The following FAM13A variants were observed in gnomAD, a reference collection of about 807,000 sequenced individuals.
FAM13A encodes the protein family with sequence similarity 13 member A, also known as protein FAM13A.
In FAM13A, 76 loss-of-function variants were observed where a neutral mutation model predicts 129.6. The observed-to-expected ratio is 0.59, with a 90% CI of 0.49 to 0.71. The LOEUF (loss-of-function observed/expected upper bound fraction) is 0.71, where lower values mean the gene tolerates loss of function less well. FAM13A is among the 30% of genes least tolerant of loss of function. The pLI is 0.00. For missense variants in FAM13A, 1,108 were observed against 1,249.3 expected (o/e 0.89, Z 1.70); for synonymous variants, 443 against 449.9 (o/e 0.98, Z 0.20).
intron 7 of FAM13A, among the ~76,000 whole-genome samples, chr4:88,841,183 G>A (rs996108965): frequency 6.6e-6 from 1 of 152,048 alleles, no homozygotes; most frequent in Non-Finnish European, 1.5e-5. Context: ...TAAAAATTTT[G>A]TGCTTCAAAG....
intron 4 of FAM13A, among the ~76,000 whole-genome samples, chr4:88,943,978 T>C (rs1755207574): frequency 6.6e-6 from 1 of 152,168 alleles, no homozygotes. Context: ...ATGGAAACAT[T>C]TGTTTCTCCT....
Position 89,020,565 on chromosome 4 carries a change from C to T in FAM13A, c.322G>A (p.Gly108Ser), listed in dbSNP as rs759156429. The change falls in exon 3 of 24, where the codon GGT (glycine) becomes AGT (serine). Residue 108 changes from glycine (G) to serine (S), a missense_variant. This residue lies in a region of FAM13A where 566 missense variants were observed against 595.7 expected (regional missense o/e 0.95). Coordinates refer to ENST00000264344, the MANE Select transcript of FAM13A (RefSeq NM_014883.4). ...SGVPVELGKD[G>S]DVCSAASLLK... Reference sequence around the variant, plus strand: ...AGACTGGCTGCTGAGCAGACATCACCGTCCTTCCCGAGCTCCACGGGCACT... The same window carrying T: ...AGACTGGCTGCTGAGCAGACATCACTGTCCTTCCCGAGCTCCACGGGCACT... The T allele has an allele frequency of 9.9e-6, 16 of 1,613,948 alleles. No individual in the cohort carries two copies. The highest frequency in any genetic ancestry group is 5.3e-5 in the African/African-American group (4 of 74,904).
At chr4:88,792,965 C>A (rs1553982660) in intron 8 of FAM13A, among the ~76,000 whole-genome samples, 1 of 151,970 alleles carries the variant, frequency 6.6e-6, no homozygotes, top group Non-Finnish European at 1.5e-5. Flanking sequence ...TAAATAAGTG[C>A]TTCTTCATTC....
At chr4:88,824,951 G>A (rs1028537404) in intron 7 of FAM13A, among the ~76,000 whole-genome samples, 5 of 151,616 alleles carry the variant, frequency 3.3e-5, no homozygotes, top group Non-Finnish European at 7.4e-5. Context: ...CAGGTGATCC[G>A]CCCACCTCGG....
At chr4:88,945,984 G>GTATATATA (rs1755689700) in intron 4 of FAM13A, among the ~76,000 whole-genome samples, 1 of 25,884 alleles carries the variant, frequency 3.9e-5, no homozygotes, top group African/African-American at 1.8e-4. Flanking sequence ...GTGTGTGTGT[G>GTATATATA]TGTGTGTATA....
At chr4:88,959,369 ATGGT>A (rs1758268935) in intron 4 of FAM13A, among the ~76,000 whole-genome samples, 1 of 152,112 alleles carries the variant, frequency 6.6e-6, no homozygotes, top group Non-Finnish European at 1.5e-5. Context: ...ATCATGGGGG[ATGGT>A]TCCCTCATGA....
chr4:88,769,646 A>C (rs1176248530), intron 11 of FAM13A, among the ~76,000 whole-genome samples: 1 of 152,064 alleles, frequency 6.6e-6, no homozygotes, highest in Non-Finnish European at 1.5e-5. Context: ...ATCCTGACCA[A>C]CATAGTGAAA....
intron 5 of FAM13A, among the ~76,000 whole-genome samples, chr4:88,910,173 T>C (rs1170146727): frequency 6.6e-6 from 1 of 152,188 alleles, no homozygotes; most frequent in Non-Finnish European, 1.5e-5. Flanking sequence ...TGGACATTAA[T>C]AGATCACATA....
At chr4:88,837,182 C>T (rs1158613731) in intron 7 of FAM13A, among the ~76,000 whole-genome samples, 7 of 150,268 alleles carry the variant, frequency 4.7e-5, no homozygotes, top group South Asian at 4.3e-4. Flanking sequence ...TTAGTAGAGA[C>T]GAGGTTTCTC....
intron 6 of FAM13A, 73 bp downstream of exon 6, chr4:88,906,304 CAA>C: frequency 2.8e-6 from 3 of 1,060,866 alleles, no homozygotes; most frequent in Non-Finnish European, 4.3e-6. Context: ...AACAAACAAA[CAA>C]ACAAAAACAA....
intron 6 of FAM13A, among the ~76,000 whole-genome samples, chr4:88,891,382 T>C (rs1452039021): frequency 1.3e-5 from 2 of 152,112 alleles, no homozygotes; most frequent in Admixed American, 6.6e-5. Flanking sequence ...ATCATGCCAC[T>C]GCCCTCCAGC....
intron 4 of FAM13A, among the ~76,000 whole-genome samples, chr4:88,975,713 T>A (rs963007778): frequency 6.6e-6 from 1 of 152,204 alleles, no homozygotes; most frequent in Non-Finnish European, 1.5e-5. Context: ...AATGCTTTCT[T>A]CCATTTTTAA....
At chr4:89,046,551 TA>T (rs1393222281) in intron 1 of FAM13A, among the ~76,000 whole-genome samples, 1 of 152,050 alleles carries the variant, frequency 6.6e-6, no homozygotes, top group Non-Finnish European at 1.5e-5. Flanking sequence ...AGAAATTTTT[TA>T]AAAAAAGAAA....
At chr4:88,981,219 C>A (rs974104054) in intron 4 of FAM13A, among the ~76,000 whole-genome samples, 12 of 152,050 alleles carry the variant, frequency 7.9e-5, no homozygotes, top group African/African-American at 2.9e-4. Context: ...GTAGCAATAG[C>A]AAATTTAATT....
intron 6 of FAM13A, among the ~76,000 whole-genome samples, chr4:88,859,823 T>C (rs1213274609): frequency 6.6e-6 from 1 of 152,174 alleles, no homozygotes; most frequent in Non-Finnish European, 1.5e-5. Flanking sequence ...AGCTTCTTTA[T>C]TCTGGTGCTG....
intron 11 of FAM13A, among the ~76,000 whole-genome samples, chr4:88,773,153 C>T (rs1721013699): frequency 1.3e-5 from 2 of 152,188 alleles, no homozygotes; most frequent in Admixed American, 6.5e-5. Flanking sequence ...AAGAACATTG[C>T]TCCTGCAATG....
intron 6 of FAM13A, among the ~76,000 whole-genome samples, chr4:88,884,739 C>A (rs916990093): frequency 1.3e-5 from 2 of 152,052 alleles, no homozygotes; most frequent in African/African-American, 4.8e-5. Flanking sequence ...GATTGTATAT[C>A]TAAGAACCCT....
At position 88,732,153 on chromosome 4, in the gene FAM13A, A is replaced by G. The variant is rs763185851; in HGVS notation, c.2692T>C (p.Phe898Leu). The G allele has an allele frequency of 8.7e-5, 140 of 1,613,312 alleles. No homozygotes were observed. Among genetic ancestry groups the G allele is most frequent in the Non-Finnish European group, 1.0e-4 (122 of 1,179,624 alleles). ...SEDDSNVKPD[F>L]MVTLKTDFSA... is the part of the protein sequence containing the mutation. ...AAATCGGTTTTCAGAGTGACCATGA[A>G]GTCTGGCTTCACATTGCTATCGTCT... is the stretch of plus-strand genomic sequence containing the variant. The change falls in exon 22 of 24, where the codon TTC (phenylalanine) becomes CTC (leucine). Residue 898 changes from phenylalanine (F) to leucine (L), a missense_variant. Transcript: ENST00000264344.
intron 4 of FAM13A, among the ~76,000 whole-genome samples, chr4:88,940,388 A>T (rs1408229189): frequency 6.6e-6 from 1 of 152,216 alleles, no homozygotes; most frequent in Non-Finnish European, 1.5e-5. Flanking sequence ...GAGAAGATCA[A>T]CCTGTAAGCA....
Sources: gnomAD v4.1 joint callset for allele counts (sites outside exome capture counted in the v4.1 genomes callset) on GRCh38, gnomAD v4.1.1 for gene constraint, gnomAD v4.1.1 regional missense constraint, MANE v1.5 for transcripts, NCBI Gene and HGNC (gene_info 2026-07-23, HGNC 2026-07-21) for gene names.